TTLL11: variants seen among roughly 807,000 people sequenced by gnomAD.
TTLL11 encodes tubulin polyglutamylase TTLL11.
A neutral mutation model predicts 51.7 loss-of-function variants in TTLL11; 42 were observed. The ratio of observed to expected loss-of-function variants is 0.81; its 90% CI spans 0.64 to 1.05. The LOEUF is 1.05. Ranked by LOEUF, TTLL11 falls within the 50% of genes least tolerant of loss-of-function variation. TTLL11 has a pLI of 0.00. For missense variants in TTLL11, 799 were observed against 940.4 expected, an observed-to-expected ratio of 0.85 and a Z score of 1.97; for synonymous variants, 381 against 383.5, an observed-to-expected ratio of 0.99 and a Z score of 0.08.
chr9:121,845,327 A>G (rs546334265), intron 8 of TTLL11, among the ~76,000 whole-genome samples: 2 of 152,306 alleles, frequency 1.3e-5, no homozygotes, highest in Admixed American at 6.5e-5. Context: ...TCCTCCAGAA[A>G]TGAAGGAGAA....
intron 6 of TTLL11, among the ~76,000 whole-genome samples, chr9:121,930,540 A>G (rs1010705393): frequency 6.6e-6 from 1 of 152,240 alleles, no homozygotes; most frequent in African/African-American, 2.4e-5. Context: ...TCCCACAGCA[A>G]TCAGCACCTG....
intron 7 of TTLL11, among the ~76,000 whole-genome samples, chr9:121,868,306 C>T (rs4837906): frequency 0.71 from 108,432 of 152,032 alleles, 39,002 homozygotes; most frequent in East Asian, 0.89. Flanking sequence ...AGGGGCAGAG[C>T]CTGCCTACCT....
chr9:121,897,423 G>A (rs949657317), intron 6 of TTLL11, among the ~76,000 whole-genome samples: 1 of 151,986 alleles, frequency 6.6e-6, no homozygotes, highest in Non-Finnish European at 1.5e-5. Context: ...CCCTGGCTTC[G>A]GCTCATTTTT....
chr9:121,924,481 G>A (rs1464272785), intron 6 of TTLL11, among the ~76,000 whole-genome samples: 1 of 152,212 alleles, frequency 6.6e-6, no homozygotes, highest in Non-Finnish European at 1.5e-5. Context: ...TCATCACAAC[G>A]TAGCTGAAAA....
intron 1 of TTLL11, among the ~76,000 whole-genome samples, chr9:122,068,719 G>C (rs1280920933): frequency 6.6e-6 from 1 of 152,186 alleles, no homozygotes. Flanking sequence ...GCAGATACTG[G>C]GGGGTGTTCA....
intron 8 of TTLL11, among the ~76,000 whole-genome samples, chr9:121,844,219 G>T (rs890686708): frequency 6.6e-6 from 1 of 151,942 alleles, no homozygotes; most frequent in African/African-American, 2.4e-5. Context: ...AATAACAGTG[G>T]ATTCCAATTG....
chr9:121,913,048 C>T (rs183906172), intron 6 of TTLL11, among the ~76,000 whole-genome samples: 1 of 152,312 alleles, frequency 6.6e-6, no homozygotes, highest in Admixed American at 6.5e-5. Flanking sequence ...GCAGTGAACT[C>T]TGGCTGCTGT....
chr9:122,053,842 C>A (rs910720085), intron 1 of TTLL11, among the ~76,000 whole-genome samples: 2 of 152,054 alleles, frequency 1.3e-5, no homozygotes, highest in African/African-American at 2.4e-5. Flanking sequence ...GTTTGGGAAT[C>A]TGAAGGGAGA....
intron 3 of TTLL11, among the ~76,000 whole-genome samples, chr9:122,012,342 G>A (rs141647295): frequency 6.6e-6 from 1 of 152,062 alleles, no homozygotes; most frequent in African/African-American, 2.4e-5. Flanking sequence ...CTTCCTTTGG[G>A]GAAGCAAGGT....
At chr9:122,026,079 A>G (rs1259207422) in intron 3 of TTLL11, among the ~76,000 whole-genome samples, 1 of 152,170 alleles carries the variant, frequency 6.6e-6, no homozygotes, top group East Asian at 1.9e-4. Flanking sequence ...TACAAAGTGC[A>G]AAGTTATCTT....
chr9:121,914,731 A>G (rs1840261832), intron 6 of TTLL11, among the ~76,000 whole-genome samples: 1 of 152,142 alleles, frequency 6.6e-6, no homozygotes, highest in African/African-American at 2.4e-5. Flanking sequence ...AGAGTCGCAG[A>G]TGCCCCATTT....
rs1274944106 is a variant in TTLL11, at chr9:121,822,603, C to A, written c.2117G>T (p.Arg706Ile). 6.8e-7 allele frequency: 1 copy of A among 1,471,602 alleles called. No individual in the cohort carries two copies. Among genetic ancestry groups the A allele is most frequent in the Non-Finnish European group, 9.0e-7 (1 of 1,110,976 alleles). 91.2% of individuals were successfully genotyped at this position (1,471,602 alleles called of 1,614,324 possible). ...GAGTGGCCCTCAGGACAGGGTATGT[C>A]TGGGATGGGAGAGCTTATTGGCACA... ...TSCANKLSHP[R>I]HTLS is the part of the protein sequence containing the mutation. Residue 706 changes from arginine (R) to isoleucine (I), a missense_variant, in exon 9 of 9, where the codon AGA (arginine) becomes ATA (isoleucine). Transcript: ENST00000321582. This position sits in a 1 kb window ranked among gnomAD's most constrained non-coding sequence, Gnocchi z 5.8.
At chr9:121,965,966 T>C (rs1364138943) in intron 6 of TTLL11, among the ~76,000 whole-genome samples, 1 of 152,220 alleles carries the variant, frequency 6.6e-6, no homozygotes, top group Non-Finnish European at 1.5e-5. Flanking sequence ...TTATTCTAGA[T>C]TCTACATAGA....
At chr9:121,996,076 G>A (rs1276976367) in intron 3 of TTLL11, among the ~76,000 whole-genome samples, 1 of 152,120 alleles carries the variant, frequency 6.6e-6, no homozygotes, top group Non-Finnish European at 1.5e-5. Flanking sequence ...GAGTTTACTG[G>A]GGCAGTGGCA....
At chr9:122,004,872 CA>C (rs1843594546) in intron 3 of TTLL11, among the ~76,000 whole-genome samples, 1 of 152,212 alleles carries the variant, frequency 6.6e-6, no homozygotes, top group African/African-American at 2.4e-5. Context: ...AAAAGCTCCA[CA>C]AAGACAAGAA....
intron 7 of TTLL11, 115 bp downstream of exon 7, chr9:121,870,382 A>G: frequency 7.5e-7 from 1 of 1,325,424 alleles, no homozygotes; most frequent in Non-Finnish European, 1.0e-6. Context: ...CAAATGGGGT[A>G]CTGACCCAGC....
At chr9:121,901,160 A>G (rs1288738721) in intron 6 of TTLL11, among the ~76,000 whole-genome samples, 2 of 152,352 alleles carry the variant, frequency 1.3e-5, no homozygotes, top group East Asian at 3.9e-4. Context: ...GTGTATAGAA[A>G]ATACTACTGA....
At chr9:122,031,557 T>C (rs1296721320) in intron 3 of TTLL11, among the ~76,000 whole-genome samples, 166 bp downstream of exon 3, 1 of 152,208 alleles carries the variant, frequency 6.6e-6, no homozygotes, top group Non-Finnish European at 1.5e-5. Flanking sequence ...CTCGTTCAAC[T>C]CTGCAAGCTG....
At chr9:121,919,699 T>C (rs1840453411) in intron 6 of TTLL11, among the ~76,000 whole-genome samples, 1 of 152,060 alleles carries the variant, frequency 6.6e-6, no homozygotes, top group Non-Finnish European at 1.5e-5. Context: ...CAGTGAGTAA[T>C]ACAGAGCATG....
Sources: allele counts gnomAD v4.1 joint callset (sites outside exome capture counted in the v4.1 genomes callset), GRCh38; gene constraint gnomAD v4.1.1; non-coding constraint Gnocchi (gnomAD v3.1); transcripts MANE v1.5; gene names NCBI Gene and HGNC (gene_info 2026-07-23, HGNC 2026-07-21).